BRINP1: variants seen among roughly 807,000 people sequenced by gnomAD.
BRINP1 encodes the protein BMP/retinoic acid inducible neural specific 1, also known as BMP/retinoic acid-inducible neural-specific protein 1.
A neutral mutation model predicts 72.9 loss-of-function variants in BRINP1; 17 were observed. The ratio of observed to expected loss-of-function variants is 0.23; its 90% CI spans 0.16 to 0.35. BRINP1 has a LOEUF of 0.35. Among genes scored for constraint, BRINP1 ranks in the 10% least tolerant of loss-of-function variants. The pLI, the probability that BRINP1 is intolerant of heterozygous loss-of-function variation, is 1.00. For missense variants in BRINP1, 850 were observed against 1,001.6 expected (o/e 0.85, Z 2.04); for synonymous variants, 418 against 378.5 (o/e 1.10, Z -1.21).
chr9:119,168,445 A>G (rs1829347614), intron 7 of BRINP1, among the ~76,000 whole-genome samples: 1 of 152,140 alleles, frequency 6.6e-6, no homozygotes, highest in Non-Finnish European at 1.5e-5. Context: ...TACCTTCCTA[A>G]TGTTCAATGT....
intron 2 of BRINP1, among the ~76,000 whole-genome samples, chr9:119,294,831 G>A (rs899413730): frequency 1.5e-5 from 2 of 135,174 alleles, no homozygotes; most frequent in Non-Finnish European, 3.1e-5. Context: ...ACTCTAGCCT[G>A]AGCAACAGAG....
chr9:119,175,501 C>G (rs528807543), intron 7 of BRINP1, among the ~76,000 whole-genome samples: 2 of 152,000 alleles, frequency 1.3e-5, no homozygotes, highest in Admixed American at 1.3e-4. Context: ...GCACATGTAT[C>G]CCAAAACTTA....
chr9:119,276,153 T>C (rs1284363802), intron 2 of BRINP1, among the ~76,000 whole-genome samples: 1 of 152,216 alleles, frequency 6.6e-6, no homozygotes, highest in African/African-American at 2.4e-5. Context: ...CTGAAATATC[T>C]ATCACAGTCA....
chr9:119,322,514 C>T (rs745814894), intron 1 of BRINP1, among the ~76,000 whole-genome samples: 5 of 152,212 alleles, frequency 3.3e-5, no homozygotes, highest in African/African-American at 4.8e-5. Flanking sequence ...AATGACCTTC[C>T]AGCAGCGCTG....
chr9:119,327,768 G>T (rs746224707), intron 1 of BRINP1, among the ~76,000 whole-genome samples: 13 of 152,114 alleles, frequency 8.5e-5, no homozygotes, highest in Non-Finnish European at 1.9e-4. Flanking sequence ...GTTAATGCTG[G>T]TGCTATTCAT....
intron 2 of BRINP1, among the ~76,000 whole-genome samples, chr9:119,288,174 C>G (rs963621382): frequency 2.0e-5 from 3 of 152,116 alleles, no homozygotes; most frequent in Non-Finnish European, 4.4e-5. Context: ...TTCCCATTGT[C>G]CTTCTTTTTT....
At chr9:119,294,940 C>A (rs547053062) in intron 2 of BRINP1, among the ~76,000 whole-genome samples, 1 of 150,658 alleles carries the variant, frequency 6.6e-6, no homozygotes, top group Non-Finnish European at 1.5e-5. Flanking sequence ...GTCCATAATA[C>A]CCAGCTGATC....
At chr9:119,285,459 T>C (rs570395322) in intron 2 of BRINP1, among the ~76,000 whole-genome samples, 1 of 152,336 alleles carries the variant, frequency 6.6e-6, no homozygotes, top group African/African-American at 2.4e-5. Flanking sequence ...ATTTTATAGA[T>C]GAGCACGCAC....
At chr9:119,176,052 G>T (rs1829485042) in intron 7 of BRINP1, among the ~76,000 whole-genome samples, 1 of 152,156 alleles carries the variant, frequency 6.6e-6, no homozygotes, top group African/African-American at 2.4e-5. Flanking sequence ...TTATGTGAAG[G>T]CTTAACCCCA....
intron 1 of BRINP1, among the ~76,000 whole-genome samples, chr9:119,365,990 A>G (rs1831686874): frequency 6.6e-6 from 1 of 152,102 alleles, no homozygotes; most frequent in South Asian, 2.1e-4. Context: ...CACGCTTTTG[A>G]GTGAACTCGA....
chr9:119,190,044 G>A (rs76549355), intron 7 of BRINP1, among the ~76,000 whole-genome samples: 1,833 of 151,910 alleles, frequency 0.012, 29 homozygotes, highest in African/African-American at 0.04. Flanking sequence ...CAAGTATGTG[G>A]AAATAAAAGA....
intron 6 of BRINP1, among the ~76,000 whole-genome samples, chr9:119,213,345 T>C (rs1829948401): frequency 6.6e-6 from 1 of 152,216 alleles, no homozygotes; most frequent in South Asian, 2.1e-4. Flanking sequence ...TTTAGGAGCT[T>C]GGATGACTGT....
At chr9:119,314,039 C>T (rs899683435) in intron 1 of BRINP1, among the ~76,000 whole-genome samples, 2 of 152,118 alleles carry the variant, frequency 1.3e-5, no homozygotes, top group Non-Finnish European at 2.9e-5. Flanking sequence ...ACTTTAGAGA[C>T]GAAGAGTTCA....
intron 1 of BRINP1, among the ~76,000 whole-genome samples, chr9:119,325,641 T>C (rs1417039998): frequency 6.6e-6 from 1 of 152,198 alleles, no homozygotes; most frequent in African/African-American, 2.4e-5. Context: ...ATCACAACCA[T>C]CTTCCTACTG....
At chr9:119,258,661 C>A (rs919869791) in intron 2 of BRINP1, among the ~76,000 whole-genome samples, 5 of 152,146 alleles carry the variant, frequency 3.3e-5, no homozygotes, top group African/African-American at 7.2e-5. Flanking sequence ...CCATTGGTGG[C>A]AAGAGGGACT....
intron 1 of BRINP1, among the ~76,000 whole-genome samples, chr9:119,342,269 G>C (rs1318516271): frequency 1.3e-5 from 2 of 152,102 alleles, no homozygotes; most frequent in Non-Finnish European, 2.9e-5. Flanking sequence ...ATTTCCTATG[G>C]AAATATGTGA....
intron 7 of BRINP1, among the ~76,000 whole-genome samples, chr9:119,185,609 G>C (rs1364036570): frequency 6.6e-6 from 1 of 152,174 alleles, no homozygotes; most frequent in Non-Finnish European, 1.5e-5. Flanking sequence ...GTACAGTAAG[G>C]GGGTGGTGAA....
rs142120568 is a variant in BRINP1, at chr9:119,364,387, C to T, written c.-51+4669G>A. Among the ~76,000 whole-genome samples the T allele has an allele frequency of 1.8e-3, 277 of 152,216 alleles. 1 individual carries two copies. Among genetic ancestry groups the T allele is most frequent in the African/African-American group, 6.3e-3 (263 of 41,542 alleles). On this transcript the variant is annotated intron_variant, in intron 1 of 7. Transcript: ENST00000265922. ...AGTACTAAAACTGAGACTGAATGGT[C>T]ATGTATTATTGGCATTACAAAAAGG...
At chr9:119,245,203 A>G (rs1663102262) in intron 3 of BRINP1, among the ~76,000 whole-genome samples, 1 of 126,652 alleles carries the variant, frequency 7.9e-6, no homozygotes, top group Admixed American at 8.5e-5. Flanking sequence ...ATACACACAC[A>G]CACACACACA....
Sources: gnomAD v4.1 joint callset for allele counts (sites outside exome capture counted in the v4.1 genomes callset) on GRCh38, gnomAD v4.1.1 for gene constraint, MANE v1.5 for transcripts, NCBI Gene and HGNC (gene_info 2026-07-23, HGNC 2026-07-21) for gene names.